KCTD1: variants seen among roughly 807,000 people sequenced by gnomAD.
The protein encoded by KCTD1 is potassium channel tetramerization domain containing 1.
KCTD1 carries 24 observed loss-of-function variants against 66.0 expected under a neutral mutation model. The ratio of observed to expected loss-of-function variants is 0.36; its 90% CI spans 0.26 to 0.51. The LOEUF (loss-of-function observed/expected upper bound fraction) is 0.51, where lower values mean the gene tolerates loss of function less well. Ranked by LOEUF, KCTD1 falls within the 20% of genes least tolerant of loss-of-function variation. The pLI, the probability that KCTD1 is intolerant of heterozygous loss-of-function variation, is 0.95. For synonymous variants in KCTD1, 511 were observed against 517.2 expected (o/e 0.99, Z 0.16); for missense variants, 943 against 1,205.2 (o/e 0.78, Z 3.22).
chr18:26,593,146 C>CA (rs1986648898), intron 1 of KCTD1, among the ~76,000 whole-genome samples: 12 of 152,194 alleles, frequency 7.9e-5, no homozygotes, highest in Admixed American at 7.9e-4. Flanking sequence ...CAGGTTAACA[C>CA]CAAGCTTGGG....
At chr18:26,621,948 C>T (rs1987395336) in intron 1 of KCTD1, among the ~76,000 whole-genome samples, 1 of 152,276 alleles carries the variant, frequency 6.6e-6, no homozygotes, top group African/African-American at 2.4e-5. Context: ...AAGGCTTGAC[C>T]TCCACTTCTG....
intron 1 of KCTD1, among the ~76,000 whole-genome samples, chr18:26,576,292 A>G (rs62085476): frequency 6.6e-6 from 1 of 152,188 alleles, no homozygotes; most frequent in Non-Finnish European, 1.5e-5. Flanking sequence ...TGCATAGTAC[A>G]TGGTAGGAAT....
intron 1 of KCTD1, among the ~76,000 whole-genome samples, chr18:26,598,037 C>T (rs1273745234): frequency 6.6e-6 from 1 of 152,208 alleles, no homozygotes; most frequent in African/African-American, 2.4e-5. Context: ...TTCTAAGACA[C>T]TGTACTCATT....
At position 26,530,371 on chromosome 18, in the gene KCTD1, A is replaced by C. The variant is rs112307392; in HGVS notation, c.1809+16357T>G. Among the ~76,000 whole-genome samples, 164 of 152,320 alleles carry C rather than the reference A, an allele frequency of 1.1e-3. 3 individuals carry two copies. The highest frequency in any genetic ancestry group is 3.5e-3 in the African/African-American group (147 of 41,578). ...GAAGAGATATGAGGGTTACAGGGAA[A>C]GGAAAAAAGGAAAGAAAAGATGAGT... On this transcript the variant is annotated intron_variant, in intron 1 of 4. Coordinates refer to ENST00000580059, the MANE Select transcript of KCTD1 (RefSeq NM_001142730.3).
At chr18:26,643,955 C>A (rs1987885227), upstream of KCTD1, among the ~76,000 whole-genome samples, 1 of 151,360 alleles carries the variant, frequency 6.6e-6, no homozygotes, top group Non-Finnish European at 1.5e-5. Context: ...GAGTGAGACT[C>A]TGTCTCAAAA....
chr18:26,488,756 C>A (rs542053565), intron 2 of KCTD1, among the ~76,000 whole-genome samples: 116 of 152,124 alleles, frequency 7.6e-4, no homozygotes, highest in African/African-American at 2.7e-3. Flanking sequence ...TCATTACCAC[C>A]AGAAAAGATA....
At chr18:26,499,221 T>A (rs1982633167) in intron 2 of KCTD1, among the ~76,000 whole-genome samples, 1 of 152,238 alleles carries the variant, frequency 6.6e-6, no homozygotes, top group Non-Finnish European at 1.5e-5. Flanking sequence ...TTTTGTGACT[T>A]AAACCCTAGA....
intron 1 of KCTD1, among the ~76,000 whole-genome samples, chr18:26,653,419 C>A (rs971830514): frequency 4.6e-5 from 7 of 152,156 alleles, no homozygotes; most frequent in African/African-American, 1.7e-4. Context: ...CACTTCTGAC[C>A]CTGGTCCAGG....
intron 1 of KCTD1, among the ~76,000 whole-genome samples, chr18:26,535,944 C>G (rs983534018): frequency 5.0e-5 from 7 of 138,820 alleles, no homozygotes; most frequent in Non-Finnish European, 9.2e-5. Flanking sequence ...ACTTATTTGC[C>G]TCCCCCACAA....
At chr18:26,470,157 A>G (rs547076396) in intron 3 of KCTD1, among the ~76,000 whole-genome samples, 1 of 152,288 alleles carries the variant, frequency 6.6e-6, no homozygotes, top group Admixed American at 6.5e-5. Context: ...AAATATTTAC[A>G]TGCTTAATAT....
At chr18:26,628,905 CT>C (rs1987560180) in intron 1 of KCTD1, among the ~76,000 whole-genome samples, 1 of 152,198 alleles carries the variant, frequency 6.6e-6, no homozygotes, top group African/African-American at 2.4e-5. Flanking sequence ...GGTTTTTAAA[CT>C]ATGGCTCATA....
chr18:26,491,328 A>T (rs1240781197), intron 2 of KCTD1, among the ~76,000 whole-genome samples: 1 of 152,170 alleles, frequency 6.6e-6, no homozygotes, highest in Non-Finnish European at 1.5e-5. Flanking sequence ...CAAGTGCACC[A>T]TTCTTTCCGG....
At chr18:26,536,004 G>A (rs1233703000) in intron 1 of KCTD1, among the ~76,000 whole-genome samples, 1 of 124,744 alleles carries the variant, frequency 8.0e-6, no homozygotes. Context: ...TTTTTTTCCT[G>A]TGTCCCCTCA....
At chr18:26,581,923 A>G (rs1251423267) in intron 1 of KCTD1, among the ~76,000 whole-genome samples, 1 of 152,138 alleles carries the variant, frequency 6.6e-6, no homozygotes, top group Admixed American at 6.6e-5. Flanking sequence ...CCAAGGGCCT[A>G]TTACTTAATG....
rs555641961 is a variant in KCTD1, at chr18:26,476,011, C to T, written c.2133+504G>A. 6.6e-6 allele frequency among the ~76,000 whole-genome samples: 1 copy of T among 152,242 alleles called. No homozygotes were observed. Among genetic ancestry groups the T allele is most frequent in the East Asian group, 1.9e-4 (1 of 5,184 alleles). ...CAAAAATTACATTTTCGTGAATTCC[C>T]TTCTAATATTAACACTTTCTATTTG... On this transcript the variant is annotated intron_variant, in intron 3 of 4. Transcript: ENST00000580059. This position sits in a 1 kb window ranked among gnomAD's most constrained non-coding sequence, Gnocchi z 4.9.
chr18:26,591,386 A>G (rs1168431424), intron 1 of KCTD1: 1 of 152,164 alleles, frequency 6.6e-6, no homozygotes, highest in Non-Finnish European at 1.5e-5. Flanking sequence ...TTTTAAGGAT[A>G]ATTTCATCCT....
At chr18:26,528,246 C>CT (rs1449514879) in intron 1 of KCTD1, among the ~76,000 whole-genome samples, 1 of 152,120 alleles carries the variant, frequency 6.6e-6, no homozygotes, top group Non-Finnish European at 1.5e-5. Context: ...GAGGAACAGC[C>CT]TTTAATGGGG....
At chr18:26,485,936 T>C (rs1981893639) in intron 2 of KCTD1, among the ~76,000 whole-genome samples, 1 of 130,412 alleles carries the variant, frequency 7.7e-6, no homozygotes. Context: ...AATTTAATCC[T>C]TTTTTTTTTT....
At chr18:26,602,811 C>T (rs1464829244) in intron 1 of KCTD1, among the ~76,000 whole-genome samples, 1 of 152,158 alleles carries the variant, frequency 6.6e-6, no homozygotes, top group Non-Finnish European at 1.5e-5. Flanking sequence ...CTGCGAATAA[C>T]AAATATCCTA....
Sources: allele counts gnomAD v4.1 joint callset (sites outside exome capture counted in the v4.1 genomes callset), GRCh38; gene constraint gnomAD v4.1.1; non-coding constraint Gnocchi (gnomAD v3.1); transcripts MANE v1.5; gene names NCBI Gene and HGNC (gene_info 2026-07-23, HGNC 2026-07-21).